Variants in ALDH1A2 observed in about 807,000 individuals in gnomAD.
ALDH1A2 encodes the protein aldehyde dehydrogenase 1 family member A2.
Under a neutral mutation model 60.3 loss-of-function variants are expected in ALDH1A2, and 27 were observed. That is an observed-to-expected ratio of 0.45 (90% CI 0.33 to 0.62). The LOEUF is 0.62. ALDH1A2 is among the 20% of genes least tolerant of loss of function. ALDH1A2 has a pLI of 0.02. For synonymous variants in ALDH1A2, 289 were observed against 232.4 expected (o/e 1.24, Z -2.21); for missense variants, 581 against 643.8 (o/e 0.90, Z 1.06).
intron 7 of ALDH1A2, among the ~76,000 whole-genome samples, chr15:57,991,795 A>G (rs1894903882): frequency 6.6e-6 from 1 of 152,218 alleles, no homozygotes; most frequent in African/African-American, 2.4e-5. Context: ...TCTATTAGAT[A>G]GCACTGTTCT....
chr15:58,063,221 T>C (rs182722070), intron 1 of ALDH1A2, among the ~76,000 whole-genome samples: 149 of 152,306 alleles, frequency 9.8e-4, no homozygotes, highest in Middle Eastern at 3.4e-3. Context: ...AGATGTATGT[T>C]TAGCAAGACA....
rs1893431279 is a variant in ALDH1A2, at chr15:57,953,939, G to C, written c.*1258C>G. The stretch of plus-strand genomic sequence containing the variant: ...ATCAAACTGGTGGAGTCACTGGAAA[G>C]CAGAAGAGGAGTATGTGGATGGGAA... On this transcript the variant is annotated 3_prime_UTR_variant, in exon 13 of 13. Coordinates refer to ENST00000249750, the MANE Select transcript of ALDH1A2 (RefSeq NM_003888.4). The C allele has an allele frequency of 6.6e-6, 1 of 152,458 alleles. No individual in the cohort carries two copies. Among genetic ancestry groups the C allele is most frequent in the Non-Finnish European group, 1.5e-5 (1 of 68,062 alleles). 9.4% of individuals were successfully genotyped at this position (152,458 alleles called of 1,614,324 possible). A position where few individuals can be genotyped will look rare whatever the true frequency, so the allele number is the denominator to read the frequency against.
intron 1 of ALDH1A2, among the ~76,000 whole-genome samples, chr15:58,062,220 A>C (rs1004284633): frequency 1.3e-5 from 2 of 152,182 alleles, no homozygotes; most frequent in Non-Finnish European, 2.9e-5. Context: ...TGCAGAAAAA[A>C]AAAACATAAC....
In ALDH1A2 at chr15:57,962,296, T is replaced by C. The variant is rs1314056125; in HGVS notation, c.1087-120A>G. The C allele has an allele frequency of 1.2e-5, 16 of 1,290,038 alleles. No homozygotes were observed. The South Asian group carries it at 1.6e-4, about 13-fold the overall frequency. The allele number at this position is 1,290,038 out of a possible 1,614,324, so 79.9% of individuals were successfully genotyped here. ...CAAAGTTTAACTACACCCAGTCAGA[T>C]CATATAAAACTGCTGTTACTTACCA... On this transcript the variant is annotated intron_variant, in intron 9 of 12. Coordinates refer to ENST00000249750, the MANE Select transcript of ALDH1A2 (RefSeq NM_003888.4).
chr15:57,971,006 G>C (rs1476620123), intron 7 of ALDH1A2, among the ~76,000 whole-genome samples: 2 of 152,202 alleles, frequency 1.3e-5, no homozygotes, highest in Non-Finnish European at 2.9e-5. Flanking sequence ...ACAGGACCAA[G>C]GCATCTAAGC....
intron 7 of ALDH1A2, among the ~76,000 whole-genome samples, chr15:57,989,617 C>A (rs374585339): frequency 6.6e-6 from 1 of 151,970 alleles, no homozygotes; most frequent in African/African-American, 2.4e-5. Context: ...AAAGTCATTG[C>A]AGTTTTTGCC....
At chr15:57,966,165 G>C (rs1375548926) in intron 7 of ALDH1A2, among the ~76,000 whole-genome samples, 3 of 152,166 alleles carry the variant, frequency 2.0e-5, no homozygotes, top group African/African-American at 7.2e-5. Context: ...GTGGCCTTTA[G>C]CTTTGGACTC....
In ALDH1A2 at chr15:58,039,358, C is replaced by T. The variant is rs534154708; in HGVS notation, c.118-25077G>A. Among the ~76,000 whole-genome samples the T allele has an allele frequency of 4.0e-4, 61 of 151,576 alleles. 4 individuals are homozygous for T. The South Asian group carries it at 0.012, about 30-fold the overall frequency. On this transcript the variant is annotated intron_variant, in intron 1 of 12. Transcript: ENST00000249750. ...TCCTATCTATGGATTATATATAACC[C>T]GTCCTAAACACCAGATGAAAAAGGG...
At chr15:58,065,315 G>A (rs1166472298) in intron 1 of ALDH1A2, 37 of 585,178 alleles carry the variant, frequency 6.3e-5, no homozygotes, top group Non-Finnish European at 7.4e-5. Context: ...GCTGCGCTTC[G>A]GGTTGGGTTA....
At chr15:58,053,658 C>T (rs1441922769) in intron 1 of ALDH1A2, among the ~76,000 whole-genome samples, 2 of 152,116 alleles carry the variant, frequency 1.3e-5, no homozygotes, top group African/African-American at 2.4e-5. Flanking sequence ...TTCTTTTCTA[C>T]GCCCTCTCTT....
At chr15:58,033,708 A>G (rs1245384399) in intron 1 of ALDH1A2, among the ~76,000 whole-genome samples, 3 of 147,378 alleles carry the variant, frequency 2.0e-5, no homozygotes, top group Non-Finnish European at 3.0e-5. Flanking sequence ...TTACATGTGA[A>G]TATCTAGTTT....
chr15:57,994,688 T>C (rs1894995047), intron 5 of ALDH1A2, among the ~76,000 whole-genome samples: 1 of 152,128 alleles, frequency 6.6e-6, no homozygotes, highest in Non-Finnish European at 1.5e-5. Flanking sequence ...TGGGAAAGAA[T>C]GGGATTAAAA....
At chr15:57,984,893 C>CTTTA (rs1864754305) in intron 7 of ALDH1A2, among the ~76,000 whole-genome samples, 1 of 152,060 alleles carries the variant, frequency 6.6e-6, no homozygotes, top group South Asian at 2.1e-4. Flanking sequence ...GGTTTTTGTC[C>CTTTA]TTTATTCCAT....
At chr15:58,038,221 C>A (rs1301610470) in intron 1 of ALDH1A2, among the ~76,000 whole-genome samples, 1 of 151,524 alleles carries the variant, frequency 6.6e-6, no homozygotes, top group Non-Finnish European at 1.5e-5. Context: ...CTGGAGTCTC[C>A]TTAAATTTCT....
rs555166758 is a variant in ALDH1A2, at chr15:58,001,384, C to A, written c.494-6245G>T. 5.9e-5 allele frequency among the ~76,000 whole-genome samples: 9 copies of A among 151,854 alleles called. No homozygotes were observed. The East Asian group carries it at 1.7e-3, about 29-fold the overall frequency. On this transcript the variant is annotated intron_variant, in intron 4 of 12. Coordinates refer to ENST00000249750, the MANE Select transcript of ALDH1A2 (RefSeq NM_003888.4). ...CAATCACAAATGGGGTAAAAATAAA[C>A]AAAGAAAAAACCTCAATGACAACTC...
chr15:58,056,201 G>A (rs900038047), intron 1 of ALDH1A2, among the ~76,000 whole-genome samples: 2 of 152,218 alleles, frequency 1.3e-5, no homozygotes, highest in East Asian at 1.9e-4. Context: ...AGGTAAGTTT[G>A]TGGAACACAG....
chr15:58,038,723 C>T (rs1327728218), intron 1 of ALDH1A2: 1 of 151,734 alleles, frequency 6.6e-6, no homozygotes, highest in Non-Finnish European at 1.5e-5. Flanking sequence ...AACTTGCCAT[C>T]AATATTGTGG....
At chr15:58,055,533 A>T (rs749025954) in intron 1 of ALDH1A2, among the ~76,000 whole-genome samples, 6 of 152,068 alleles carry the variant, frequency 3.9e-5, no homozygotes, top group Non-Finnish European at 8.8e-5. Context: ...AAGTGCAAAT[A>T]AGTAATATGA....
At chr15:57,987,005 G>C (rs1023160188) in intron 7 of ALDH1A2, among the ~76,000 whole-genome samples, 6 of 152,124 alleles carry the variant, frequency 3.9e-5, no homozygotes, top group Non-Finnish European at 7.4e-5. Flanking sequence ...AGGAATAAAG[G>C]GGTGTAGCGA....
Sources: allele counts gnomAD v4.1 joint callset (sites outside exome capture counted in the v4.1 genomes callset), GRCh38; gene constraint gnomAD v4.1.1; transcripts MANE v1.5; gene names NCBI Gene and HGNC (gene_info 2026-07-23, HGNC 2026-07-21).